Variants in SLAMF8 observed in about 807,000 individuals in gnomAD.
SLAMF8 encodes the protein B lymphocyte activator macrophage expressed.
In SLAMF8, 23 loss-of-function variants were observed where a neutral mutation model predicts 29.0. The observed-to-expected ratio is 0.79, with a 90% CI of 0.57 to 1.13. SLAMF8 has a LOEUF of 1.13. Ranked by LOEUF, SLAMF8 falls within the 50% of genes most tolerant of loss-of-function variation. The pLI, the probability that SLAMF8 is intolerant of heterozygous loss-of-function variation, is 0.00. For missense variants in SLAMF8, 381 were observed against 353.1 expected (o/e 1.08, Z -0.63); for synonymous variants, 139 against 145.6 (o/e 0.96, Z 0.32).
At position 159,833,291 on chromosome 1, in the gene SLAMF8, C is replaced by A. The variant is rs374425574; in HGVS notation, c.703C>A (p.Leu235Met). 1.4e-5 allele frequency: 22 copies of A among 1,614,072 alleles called. 1 individual carries two copies. The highest frequency in any genetic ancestry group is 1.8e-5 in the Non-Finnish European group (21 of 1,180,032). ...APGKASYKDV[L>M]LVVVPVSLLL... ...AGGGAAGGCCTCCTACAAAGATGTG[C>A]TGCTGGTGGTGGTGCCTGTCTCGCT... Residue 235 changes from leucine to methionine, a missense_variant, in exon 4 of 5, where the codon CTG (leucine) becomes ATG (methionine). Transcript: ENST00000289707.
chr1:159,827,178 A>G lies in SLAMF8; in HGVS notation c.40+240A>G, dbSNP rs527984499. Among the ~76,000 whole-genome samples the G allele has an allele frequency of 1.6e-4, 25 of 152,236 alleles. No individual in the cohort carries two copies. In the South Asian group the frequency reaches 5.2e-3, roughly 32 times the overall value. Reference sequence around the variant, plus strand: ...GGGGTATTCTTATCTGTGAGACATGAGCTGTTTTGTGGCCCAGAGCAGTAA... The same window carrying G: ...GGGGTATTCTTATCTGTGAGACATGGGCTGTTTTGTGGCCCAGAGCAGTAA... On this transcript the variant is annotated intron_variant, in intron 1 of 4. Coordinates refer to ENST00000289707, the MANE Select transcript of SLAMF8 (RefSeq NM_020125.3).
rs562484235 is a variant in SLAMF8 at position 159,836,260 on chromosome 1, G to T, written c.*1000G>T. ...GCCACATTCATTTTCAAATGCAAAT[G>T]CAGAAGACTTACCTTAGTTCAAGGG... On this transcript the variant is annotated 3_prime_UTR_variant, in exon 5 of 5. Transcript: ENST00000289707. The T allele has an allele frequency of 1.3e-5, 13 of 985,226 alleles. No individual in the cohort carries two copies. The highest frequency in any genetic ancestry group is 1.7e-5 in the African/African-American group (1 of 57,228). 61.0% of individuals were successfully genotyped at this position (985,226 alleles called of 1,614,324 possible).
At chr1:159,829,627 C>T (rs902830884) in intron 1 of SLAMF8, among the ~76,000 whole-genome samples, 3 of 152,204 alleles carry the variant, frequency 2.0e-5, no homozygotes, top group African/African-American at 7.2e-5. Flanking sequence ...TGGTATTTAA[C>T]AGAATTCATT....
chr1:159,835,884 G>A lies in SLAMF8; in HGVS notation c.*624G>A. On this transcript the variant is annotated 3_prime_UTR_variant, in exon 5 of 5. Coordinates refer to ENST00000289707, the MANE Select transcript of SLAMF8 (RefSeq NM_020125.3). ...AATCAGAGTTCATGGGCCCTCAAAG[G>A]TAAATTGCAGTTGTAGACACCGAGG... The A allele has an allele frequency of 1.0e-6, 1 of 985,428 alleles. No homozygotes were observed. The highest frequency in any genetic ancestry group is 1.2e-6 in the Non-Finnish European group (1 of 829,950). 61.0% of individuals were successfully genotyped at this position (985,428 alleles called of 1,614,324 possible). A position where few individuals can be genotyped will look rare whatever the true frequency, so the allele number is the denominator to read the frequency against.
rs1647977978 is a variant in SLAMF8 at position 159,836,838 on chromosome 1, C to T, written c.*1578C>T. ...AATTCTCATCCCTTTCCCACACCCACTTCTCTCCTATCACCTTCCCCCAAG... is the reference window on the plus strand; with the variant it reads ...AATTCTCATCCCTTTCCCACACCCATTTCTCTCCTATCACCTTCCCCCAAG... On this transcript the variant is annotated 3_prime_UTR_variant, in exon 5 of 5. Coordinates refer to ENST00000289707, the MANE Select transcript of SLAMF8 (RefSeq NM_020125.3). 10 of 985,604 alleles carry T rather than the reference C, an allele frequency of 1.0e-5. No homozygotes were observed. Among genetic ancestry groups the T allele is most frequent in the Non-Finnish European group, 9.6e-6 (8 of 830,030 alleles). 61.1% of individuals were successfully genotyped at this position (985,604 alleles called of 1,614,324 possible).
Position 159,836,322 on chromosome 1 carries a change from G to A in SLAMF8, c.*1062G>A. The A allele has an allele frequency of 1.0e-6, 1 of 984,046 alleles. No individual in the cohort carries two copies. The highest frequency in any genetic ancestry group is 4.7e-5 in the South Asian group (1 of 21,264). 61.0% of individuals were successfully genotyped at this position (984,046 alleles called of 1,614,324 possible). A position where few individuals can be genotyped will look rare whatever the true frequency, so the allele number is the denominator to read the frequency against. On this transcript the variant is annotated 3_prime_UTR_variant, in exon 5 of 5. Coordinates refer to ENST00000289707, the MANE Select transcript of SLAMF8 (RefSeq NM_020125.3). The stretch of plus-strand genomic sequence containing the variant: ...GACCCCACAGCCCAACAGCAGGACT[G>A]TAGAGGTCACTCTGACTCCATCAAA...
intron 2 of SLAMF8, among the ~76,000 whole-genome samples, chr1:159,831,825 TC>T (rs1297713508): frequency 6.6e-6 from 1 of 152,252 alleles, no homozygotes; most frequent in Non-Finnish European, 1.5e-5. Context: ...AATGGGTGTT[TC>T]TACTGTGCTT....
chr1:159,835,124 C>G, intron 4 of SLAMF8, 60 bp from the exon 5 acceptor site: 1 of 1,545,916 alleles, frequency 6.5e-7, no homozygotes, highest in Non-Finnish European at 8.8e-7. Flanking sequence ...TGCAGGCAGG[C>G]CAAGGATTCC....
intron 2 of SLAMF8, among the ~76,000 whole-genome samples, chr1:159,830,712 A>G (rs1426751573): frequency 3.3e-5 from 5 of 152,066 alleles, no homozygotes; most frequent in Admixed American, 3.3e-4. Flanking sequence ...ACTATGACAT[A>G]ATGGGTTTAT....
intron 1 of SLAMF8, among the ~76,000 whole-genome samples, chr1:159,829,350 T>C (rs1647304621): frequency 6.6e-6 from 1 of 152,212 alleles, no homozygotes. Flanking sequence ...CTACCAACTC[T>C]GCAGTGTAAT....
intron 1 of SLAMF8, among the ~76,000 whole-genome samples, chr1:159,829,010 C>T (rs1282737631): frequency 6.6e-6 from 1 of 152,156 alleles, no homozygotes; most frequent in African/African-American, 2.4e-5. Context: ...TCCTCGACTC[C>T]TTTTTCTCCT....
chr1:159,833,503 T>C, intron 4 of SLAMF8, 134 bp downstream of exon 4: 2 of 1,271,294 alleles, frequency 1.6e-6, no homozygotes, highest in Non-Finnish European at 2.2e-6. Flanking sequence ...CTCTTGGCCT[T>C]CTCTAGCTCA....
At position 159,835,702 on chromosome 1, in the gene SLAMF8, T is replaced by A; in HGVS notation, c.*442T>A. 1 of 987,604 alleles carries A rather than the reference T, an allele frequency of 1.0e-6. No individual in the cohort carries two copies. The highest frequency in any genetic ancestry group is 1.2e-6 in the Non-Finnish European group (1 of 831,382). 61.2% of individuals were successfully genotyped at this position (987,604 alleles called of 1,614,324 possible). On this transcript the variant is annotated 3_prime_UTR_variant, in exon 5 of 5. Transcript: ENST00000289707. ...TTTGAACTAATAGAGGAACTCTGAG[T>A]CACCCATGCCAGCATCAGCTTCAGC...
chr1:159,835,530 A>T lies in SLAMF8; in HGVS notation c.*270A>T. 1 of 1,217,568 alleles carries T rather than the reference A, an allele frequency of 8.2e-7. No individual in the cohort carries two copies. Among genetic ancestry groups the T allele is most frequent in the Non-Finnish European group, 1.0e-6 (1 of 975,682 alleles). 75.4% of individuals were successfully genotyped at this position (1,217,568 alleles called of 1,614,324 possible). On this transcript the variant is annotated 3_prime_UTR_variant, in exon 5 of 5. Coordinates refer to ENST00000289707, the MANE Select transcript of SLAMF8 (RefSeq NM_020125.3). The stretch of plus-strand genomic sequence containing the variant: ...AGCCAAGCAGAACATTCCATCCAGG[A>T]CACTGGAAGTTCTCCAGGATCCAGA...
rs781528682 is a variant in SLAMF8, at chr1:159,832,899, C to T, written c.391C>T (p.Gln131Ter). Residue 131 changes from glutamine to a stop codon, truncating the protein, a stop_gained, in exon 3 of 5, where the codon CAA (glutamine) becomes TAA (stop). Transcript: ENST00000289707. LOFTEE classifies it high-confidence loss of function. The stretch of plus-strand genomic sequence containing the variant: ...AGATGCAGTGCCCAGGCCCGTGGTA[C>T]AAGTGTTCATTGCTGTAGAAAGGGA... ...VYDAVPRPVV[Q>*]VFIAVERDAQ... The T allele has an allele frequency of 6.2e-7, 1 of 1,614,128 alleles. No individual in the cohort carries two copies. The highest frequency in any genetic ancestry group is 8.5e-7 in the Non-Finnish European group (1 of 1,179,970).
At chr1:159,830,536 G>T (rs1361846958) in intron 2 of SLAMF8, among the ~76,000 whole-genome samples, 1 of 152,160 alleles carries the variant, frequency 6.6e-6, no homozygotes, top group African/African-American at 2.4e-5. Flanking sequence ...AGGATGAAAT[G>T]CAGTGGCATT....
At chr1:159,832,152 C>T (rs1023450131) in intron 2 of SLAMF8, among the ~76,000 whole-genome samples, 2 of 152,142 alleles carry the variant, frequency 1.3e-5, no homozygotes, top group Non-Finnish European at 2.9e-5. Context: ...GACCAGATAT[C>T]GAGCACCCAC....
Position 159,836,691 on chromosome 1 carries a change from T to C in SLAMF8, c.*1431T>C, listed in dbSNP as rs1489282797. The C allele has an allele frequency of 7.1e-6, 7 of 985,406 alleles. No individual in the cohort carries two copies. The highest frequency in any genetic ancestry group is 1.7e-5 in the African/African-American group (1 of 57,236). The allele number at this position is 985,406 out of a possible 1,614,324, so 61.0% of individuals were successfully genotyped here. The stretch of plus-strand genomic sequence containing the variant: ...CCAGTTCCTGGGCAATCACTTCACC[T>C]TGGACAAAGGATCAGCACAGCTGGC... On this transcript the variant is annotated 3_prime_UTR_variant, in exon 5 of 5. Coordinates refer to ENST00000289707, the MANE Select transcript of SLAMF8 (RefSeq NM_020125.3).
intron 2 of SLAMF8, among the ~76,000 whole-genome samples, chr1:159,831,806 A>C (rs1397473169): frequency 6.6e-6 from 1 of 152,252 alleles, no homozygotes; most frequent in East Asian, 1.9e-4. Context: ...ATCAGTTACT[A>C]GAAATGTCAA....
Sources: allele counts gnomAD v4.1 joint callset (sites outside exome capture counted in the v4.1 genomes callset), GRCh38; gene constraint gnomAD v4.1.1; transcripts MANE v1.5; gene names NCBI Gene and HGNC (gene_info 2026-07-23, HGNC 2026-07-21).